TLE3: variants seen among roughly 807,000 people sequenced by gnomAD.
The protein encoded by TLE3 is TLE family member 3, transcriptional corepressor, also known as transducin-like enhancer protein 3.
TLE3 carries 14 observed loss-of-function variants against 93.0 expected under a neutral mutation model. The observed-to-expected ratio is 0.15, with a 90% CI of 0.10 to 0.24. The LOEUF (loss-of-function observed/expected upper bound fraction) is 0.24. Ranked by LOEUF, TLE3 falls within the 10% of genes least tolerant of loss-of-function variation. The pLI, the probability that TLE3 is intolerant of heterozygous loss-of-function variation, is 1.00. For missense variants in TLE3, 693 were observed against 1,046.6 expected (o/e 0.66, Z 4.66); for synonymous variants, 451 against 425.0 (o/e 1.06, Z -0.75).
Position 70,063,975 on chromosome 15 carries a change from C to T in TLE3, c.594+479G>A, listed in dbSNP as rs1342803302. On this transcript the variant is annotated intron_variant, in intron 8 of 19. Transcript: ENST00000451782. ...AACCTTGGCCCTGAACATGGGACAC[C>T]TGGGTCCTTAGCCCTGGGTTTAGCC... Among the ~76,000 whole-genome samples, 5 of 152,316 alleles carry T rather than the reference C, an allele frequency of 3.3e-5. No homozygotes were observed. The East Asian group carries it at 7.7e-4, about 24-fold the overall frequency.
intron 1 of TLE3, 51 bp downstream of exon 1, chr15:70,096,724 G>A (rs371529252): frequency 1.9e-6 from 3 of 1,606,962 alleles, no homozygotes; most frequent in East Asian, 4.5e-5. Flanking sequence ...AAACTGCCTC[G>A]TTTACCCTGC....
intron 4 of TLE3, among the ~76,000 whole-genome samples, chr15:70,081,802 A>G (rs970921906): frequency 6.6e-6 from 1 of 152,240 alleles, no homozygotes; most frequent in Non-Finnish European, 1.5e-5. Flanking sequence ...GAGATGAGGA[A>G]GGGACCTGCC....
In TLE3 at chr15:70,096,776, G is replaced by A; in HGVS notation, c.23C>T (p.Pro8Leu). The change falls in exon 1 of 20, where the codon CCG (proline) becomes CTG (leucine). Residue 8 changes from proline (P) to leucine (L), a missense_variant and splice_region_variant. By Grantham distance (98) the Pro-to-Leu change is moderately conservative (BLOSUM62 -3). Around this residue, in one of 4 missense-constraint regions of TLE3, gnomAD observed 31 missense variants for 24.0 expected, o/e 1.29. Coordinates refer to ENST00000451782, the MANE Select transcript of TLE3 (RefSeq NM_001105192.3). MYPQGRH[P>L]APHQPGQPGF... ...ATAAACCGAGTTGCAATTACTCACC[G>A]GATGTCTGCCCTGCGGATACATGGC... 1 of 1,613,482 alleles carries A rather than the reference G, an allele frequency of 6.2e-7. No individual in the cohort carries two copies. The highest frequency in any genetic ancestry group is 8.5e-7 in the Non-Finnish European group (1 of 1,179,752).
At chr15:70,055,460 G>A (rs2055936735) in intron 14 of TLE3, 162 bp from the exon 15 acceptor site, 4 of 929,810 alleles carry the variant, frequency 4.3e-6, no homozygotes, top group Non-Finnish European at 4.5e-6. Context: ...TACTGGGATG[G>A]CTCCATCGAG....
rs116194009 is a variant in TLE3 at position 70,063,904 on chromosome 15, A to G, written c.594+550T>C. Among the ~76,000 whole-genome samples the G allele has an allele frequency of 6.6e-3, 1,004 of 152,324 alleles. 10 individuals are homozygous for G. Among genetic ancestry groups the G allele is most frequent in the African/African-American group, 0.022 (910 of 41,570 alleles). The stretch of plus-strand genomic sequence containing the variant: ...CTGCAGGCGTTTGAAGGGAATGAGG[A>G]GGATGCAAGATCATACAGGAGGCAT... On this transcript the variant is annotated intron_variant, in intron 8 of 19. Coordinates refer to ENST00000451782, the MANE Select transcript of TLE3 (RefSeq NM_001105192.3).
chr15:70,050,879 T>C (rs1052593114), intron 19 of TLE3: 8 of 157,566 alleles, frequency 5.1e-5, no homozygotes, highest in Admixed American at 3.6e-4. Flanking sequence ...CACGTGTGTG[T>C]GCCAATCAGT....
chr15:70,066,283 G>A (rs2056814029), intron 6 of TLE3, 65 bp from the exon 7 acceptor site: 4 of 1,303,232 alleles, frequency 3.1e-6, no homozygotes, highest in Admixed American at 6.4e-5. Context: ...GGCCACCTCA[G>A]GAGGGAGGGA....
At chr15:70,083,315 G>A (rs1264891923) in intron 4 of TLE3, among the ~76,000 whole-genome samples, 1 of 152,100 alleles carries the variant, frequency 6.6e-6, no homozygotes, top group African/African-American at 2.4e-5. Context: ...CGGGCTTCCT[G>A]TTAACAAGAT....
chr15:70,059,283 G>A (rs2141519527), intron 10 of TLE3, 127 bp downstream of exon 10: 2 of 1,112,822 alleles, frequency 1.8e-6, no homozygotes, highest in Middle Eastern at 2.1e-4. Flanking sequence ...CCCCAAGACT[G>A]GAGGCCTTGT....
chr15:70,078,874 G>C (rs151081372), intron 4 of TLE3, among the ~76,000 whole-genome samples: 1 of 152,330 alleles, frequency 6.6e-6, no homozygotes, highest in East Asian at 1.9e-4. Flanking sequence ...ATTATAAAAG[G>C]GTTCTGGCTA....
chr15:70,062,785 G>A (rs925548192), intron 8 of TLE3, among the ~76,000 whole-genome samples: 3 of 151,888 alleles, frequency 2.0e-5, no homozygotes, highest in African/African-American at 4.8e-5. Flanking sequence ...CCGTCACCAC[G>A]CCACATGCCA....
At chr15:70,088,320 C>A (rs547992397) in intron 4 of TLE3, among the ~76,000 whole-genome samples, 1 of 152,354 alleles carries the variant, frequency 6.6e-6, no homozygotes, top group Admixed American at 6.5e-5. Flanking sequence ...ACAAACCCAC[C>A]AAATATTCCC....
intron 4 of TLE3, among the ~76,000 whole-genome samples, chr15:70,093,857 C>G (rs1463382897): frequency 1.3e-5 from 2 of 152,182 alleles, no homozygotes; most frequent in Admixed American, 6.5e-5. Flanking sequence ...CAACCCCCAG[C>G]CATCTCGAAA....
intron 14 of TLE3, 77 bp from the exon 15 acceptor site, chr15:70,055,375 C>G: frequency 6.6e-7 from 1 of 1,509,572 alleles, no homozygotes; most frequent in Non-Finnish European, 8.8e-7. Flanking sequence ...CCCAGGTCAT[C>G]TGCACTGCCC....
chr15:70,050,535 T>A (rs2055425697), intron 19 of TLE3: 1 of 179,732 alleles, frequency 5.6e-6, no homozygotes, highest in African/African-American at 2.3e-5. Flanking sequence ...TCCTCCGAGT[T>A]TACAAATAGG....
intron 6 of TLE3, chr15:70,066,490 ATGTT>A (rs1352539631): frequency 2.6e-6 from 1 of 382,750 alleles, no homozygotes; most frequent in Non-Finnish European, 4.7e-6. Context: ...TAATTTCTCA[ATGTT>A]TGTTTCCAAG....
chr15:70,054,798 T>TA, intron 15 of TLE3, 113 bp from the exon 16 acceptor site: 1 of 1,387,880 alleles, frequency 7.2e-7, no homozygotes, highest in Non-Finnish European at 9.6e-7. Flanking sequence ...AGCCTCCCCC[T>TA]ATACCCAGCA....
At position 70,058,348 on chromosome 15, in the gene TLE3, C is replaced by A; in HGVS notation, c.919-57G>T. The A allele has an allele frequency of 6.5e-7, 1 of 1,539,978 alleles. No individual in the cohort carries two copies. The highest frequency in any genetic ancestry group is 8.8e-7 in the Non-Finnish European group (1 of 1,142,372). On this transcript the variant is annotated intron_variant, in intron 11 of 19. Coordinates refer to ENST00000451782, the MANE Select transcript of TLE3 (RefSeq NM_001105192.3). The surrounding 1 kb of genome is among the most constrained non-coding windows in gnomAD (Gnocchi z 4.1). ...CATGAGGCTTCCATTCTCCTAGGAG[C>A]CGGGCACAACTGGTGCCGGTCCCAA...
At chr15:70,096,301 C>G in intron 1 of TLE3, 40 bp from the exon 2 acceptor site, 1 of 1,548,644 alleles carries the variant, frequency 6.5e-7, no homozygotes. Flanking sequence ...GGGGCGGGGG[C>G]ATGAGACCGC....
Sources: gnomAD v4.1 joint callset for allele counts (sites outside exome capture counted in the v4.1 genomes callset) on GRCh38, gnomAD v4.1.1 for gene constraint, gnomAD v4.1.1 regional missense constraint, Gnocchi (gnomAD v3.1) non-coding constraint, MANE v1.5 for transcripts, NCBI Gene and HGNC (gene_info 2026-07-23, HGNC 2026-07-21) for gene names.